The following SPATA13 variants were observed in gnomAD, a reference collection of about 807,000 sequenced individuals.
The protein encoded by SPATA13 is spermatogenesis-associated protein 13.
Under a neutral mutation model 104.0 loss-of-function variants are expected in SPATA13, and 50 were observed. The observed-to-expected ratio is 0.48, with a 90% CI of 0.38 to 0.61. SPATA13 has a LOEUF of 0.61. Ranked by LOEUF, SPATA13 falls within the 20% of genes least tolerant of loss-of-function variation. The pLI is 0.00. For synonymous variants in SPATA13, 606 were observed against 667.5 expected (o/e 0.91, Z 1.42); for missense variants, 1,524 against 1,690.6 (o/e 0.90, Z 1.73).
chr13:24,281,807 G>T (rs1213507767), intron 4 of SPATA13, among the ~76,000 whole-genome samples: 1 of 152,172 alleles, frequency 6.6e-6, no homozygotes, highest in Non-Finnish European at 1.5e-5. Flanking sequence ...TGAGAGAGGG[G>T]CTGGGGCCGG....
At chr13:24,082,825 TCAAAAAAAAA>T (rs1264862737) in intron 3 of SPATA13, among the ~76,000 whole-genome samples, 1 of 17,108 alleles carries the variant, frequency 5.8e-5, no homozygotes, top group African/African-American at 2.9e-4. Flanking sequence ...AGACTCCGTC[TCAAAAAAAAA>T]AAAAAAAAAA....
chr13:23,987,786 C>G (rs1234972252), intron 2 of SPATA13, among the ~76,000 whole-genome samples: 1 of 152,168 alleles, frequency 6.6e-6, no homozygotes, highest in African/African-American at 2.4e-5. Context: ...CAACCCCTGG[C>G]AACCACCATT....
intron 4 of SPATA13, among the ~76,000 whole-genome samples, chr13:24,274,070 C>T (rs531383528): frequency 4.6e-4 from 70 of 152,214 alleles, no homozygotes; most frequent in African/African-American, 1.4e-3. Context: ...GAGAGGTCAG[C>T]GTGGACGGAT....
chr13:24,273,192 C>A (rs1874744536), intron 4 of SPATA13: 1 of 152,442 alleles, frequency 6.6e-6, no homozygotes, highest in Non-Finnish European at 1.5e-5. Flanking sequence ...CAACGACGCC[C>A]CAGCTCTGAA....
At chr13:24,210,028 AC>A (rs1870925185) in intron 1 of SPATA13, among the ~76,000 whole-genome samples, 1 of 151,984 alleles carries the variant, frequency 6.6e-6, no homozygotes, top group African/African-American at 2.4e-5. Context: ...GATGTTGAGC[AC>A]CTTTTTCATA....
At chr13:24,219,812 C>T (rs1040587474) in intron 1 of SPATA13, among the ~76,000 whole-genome samples, 4 of 152,086 alleles carry the variant, frequency 2.6e-5, no homozygotes, top group African/African-American at 7.2e-5. Context: ...TTTTCTAAAC[C>T]CACTTTCACC....
chr13:23,989,204 A>C (rs1875291974), intron 2 of SPATA13, among the ~76,000 whole-genome samples: 1 of 152,130 alleles, frequency 6.6e-6, no homozygotes, highest in African/African-American at 2.4e-5. Flanking sequence ...CAGGTGGATC[A>C]TGAGGTCAGG....
intron 3 of SPATA13, among the ~76,000 whole-genome samples, chr13:24,089,365 A>T (rs1258145540): frequency 2.6e-5 from 4 of 152,312 alleles, no homozygotes; most frequent in African/African-American, 7.2e-5. Flanking sequence ...GGCAAAAACA[A>T]AAAGGAGATA....
Position 24,303,322 on chromosome 13 carries a change from C to T in SPATA13, c.*549C>T. 1 of 325,026 alleles carries T rather than the reference C, an allele frequency of 3.1e-6. No individual in the cohort carries two copies. The highest frequency in any genetic ancestry group is 6.2e-6 in the Non-Finnish European group (1 of 161,326). The allele number at this position is 325,026 out of a possible 1,614,324, so 20.1% of individuals were successfully genotyped here. A position where few individuals can be genotyped will look rare whatever the true frequency, so the allele number is the denominator to read the frequency against. On this transcript the variant is annotated 3_prime_UTR_variant, in exon 13 of 13. Coordinates refer to ENST00000382108, the MANE Select transcript of SPATA13 (RefSeq NM_001166271.3). ...GCCGTGGGGCTGACCACGGTGTTCC[C>T]TGGCATCGTCTGTGTCCACACAGAT... is the stretch of plus-strand genomic sequence containing the variant.
At chr13:24,031,017 C>T (rs760267183) in intron 3 of SPATA13, among the ~76,000 whole-genome samples, 1 of 152,332 alleles carries the variant, frequency 6.6e-6, no homozygotes, top group African/African-American at 2.4e-5. Context: ...GTCTCCAAAG[C>T]CTATGTTTTC....
chr13:24,119,622 G>C (rs1452707834), intron 3 of SPATA13, among the ~76,000 whole-genome samples: 1 of 152,208 alleles, frequency 6.6e-6, no homozygotes, highest in Non-Finnish European at 1.5e-5. Flanking sequence ...GGCAGCCCAT[G>C]ACTTGCTTAG....
At chr13:24,281,575 G>A (rs143095901) in intron 4 of SPATA13, among the ~76,000 whole-genome samples, 13 of 152,316 alleles carry the variant, frequency 8.5e-5, no homozygotes, top group African/African-American at 3.1e-4. Flanking sequence ...GACGTAAGCA[G>A]CTGGTTCTCC....
At chr13:24,158,312 A>T (rs1429267574), upstream of SPATA13, among the ~76,000 whole-genome samples, 1 of 152,218 alleles carries the variant, frequency 6.6e-6, no homozygotes, top group Non-Finnish European at 1.5e-5. Flanking sequence ...GATGGCGGCC[A>T]TGTGGATAGA....
chr13:24,289,086 A>C lies in SPATA13; in HGVS notation c.2755A>C (p.Lys919Gln). ...TTTTGGAAACATTGAAGATATTTACAAATTCCAAAGAAAGTTTCTGAAAGA... is the reference window on the plus strand; with the variant it reads ...TTTTGGAAACATTGAAGATATTTACCAATTCCAAAGAAAGTTTCTGAAAGA... ...TIFGNIEDIYKFQRKFLKDLE... is the reference protein window; with the variant it reads ...TIFGNIEDIYQFQRKFLKDLE... Residue 919 changes from lysine (K) to glutamine (Q), a missense_variant, in exon 8 of 13, where the codon AAA becomes CAA. Physicochemically the swap from Lys to Gln is moderately conservative, Grantham distance 53. Coordinates refer to ENST00000382108, the MANE Select transcript of SPATA13 (RefSeq NM_001166271.3). 1.2e-6 allele frequency: 2 copies of C among 1,614,044 alleles called. No individual in the cohort carries two copies. Among genetic ancestry groups the C allele is most frequent in the African/African-American group, 1.3e-5 (1 of 75,052 alleles).
At position 24,190,006 on chromosome 13, in the gene SPATA13, ATAT is replaced by A. The variant is rs1391113489; in HGVS notation, c.-112+29081_-112+29083del. Among the ~76,000 whole-genome samples, 7 of 68,820 alleles carry A rather than the reference ATAT, an allele frequency of 1.0e-4. 1 individual carries two copies. The highest frequency in any genetic ancestry group is 4.0e-4 in the African/African-American group (6 of 15,074). 45.1% of individuals were successfully genotyped at this position (68,820 alleles called of 152,430 possible). ...AAATAATTATATAACATATAATAAT[ATAT>A]TATTATATAACATAATGATATACAA... On this transcript the variant is annotated intron_variant, in intron 1 of 12. Transcript: ENST00000382108.
intron 2 of SPATA13, among the ~76,000 whole-genome samples, chr13:24,002,729 A>G (rs995694328): frequency 1.3e-5 from 2 of 152,132 alleles, no homozygotes; most frequent in East Asian, 1.9e-4. Context: ...CCCCCCGAGC[A>G]CAAGCACTGG....
chr13:24,222,158 G>C (rs1593433107), intron 1 of SPATA13, among the ~76,000 whole-genome samples: 1 of 152,280 alleles, frequency 6.6e-6, no homozygotes, highest in Non-Finnish European at 1.5e-5. Flanking sequence ...TCTCTCTGCT[G>C]TATGGCCAGT....
At position 24,291,750 on chromosome 13, in the gene SPATA13, T is replaced by TTA. The variant is rs1566197886; in HGVS notation, c.3080+867_3080+868insAT. Among the ~76,000 whole-genome samples the TTA allele has an allele frequency of 3.5e-3, 113 of 31,928 alleles. 3 individuals carry two copies. Among genetic ancestry groups the TTA allele is most frequent in the African/African-American group, 0.013 (108 of 8,076 alleles). 20.9% of individuals were successfully genotyped at this position (31,928 alleles called of 152,430 possible). On this transcript the variant is annotated intron_variant, in intron 9 of 12. Transcript: ENST00000382108. ...TCTCTCTCTGTCTTTATTTTTTTAT[T>TTA]TTTTTATTTTTTTTTTTGAGACGGA...
rs897518605 is a variant in SPATA13, at chr13:24,037,643, C to T, written c.-112+19942C>T. 4.6e-5 allele frequency among the ~76,000 whole-genome samples: 7 copies of T among 152,106 alleles called. No individual in the cohort carries two copies. In the East Asian group the frequency reaches 5.8e-4, roughly 13 times the overall value. On this transcript the variant is annotated intron_variant, in intron 3 of 14. Coordinates refer to the SPATA13 transcript ENST00000424834. ...CACGGTGGTCTCAATCTCCTGACCT[C>T]GTGATCCACCTGCCTCGGCCTTCCA...
Sources: allele counts gnomAD v4.1 joint callset (sites outside exome capture counted in the v4.1 genomes callset), GRCh38; gene constraint gnomAD v4.1.1; transcripts MANE v1.5; gene names NCBI Gene and HGNC (gene_info 2026-07-23, HGNC 2026-07-21).